C14orf39: variants seen among roughly 807,000 people sequenced by gnomAD.
C14orf39 encodes the protein chromosome 14 open reading frame 39.
In C14orf39, 66 loss-of-function variants were observed where a neutral mutation model predicts 85.6. The ratio of observed to expected loss-of-function variants is 0.77; its 90% CI spans 0.63 to 0.95. The LOEUF (loss-of-function observed/expected upper bound fraction) is 0.95. Among genes scored for constraint, C14orf39 ranks in the 40% least tolerant of loss-of-function variants. The pLI is 0.00. For missense variants in C14orf39, 735 were observed against 663.9 expected, an observed-to-expected ratio of 1.11 and a Z score of -1.18; for synonymous variants, 242 against 214.0, an observed-to-expected ratio of 1.13 and a Z score of -1.14.
intron 1 of C14orf39, 29 bp from the exon 2 acceptor site, chr14:60,485,115 G>C: frequency 6.4e-7 from 1 of 1,564,462 alleles, no homozygotes; most frequent in Non-Finnish European, 8.7e-7. Flanking sequence ...AAAATTATAA[G>C]ATTTTCTGAA....
chr14:60,483,559 C>T (rs1892738879), intron 4 of C14orf39, 132 bp downstream of exon 4: 2 of 675,754 alleles, frequency 3.0e-6, no homozygotes, highest in Non-Finnish European at 4.6e-6. Context: ...TACATAGTGG[C>T]ATAACAAGGC....
At chr14:60,455,299 G>T (rs1891220369) in intron 15 of C14orf39, among the ~76,000 whole-genome samples, 154 bp from the exon 16 acceptor site, 1 of 152,042 alleles carries the variant, frequency 6.6e-6, no homozygotes, top group East Asian at 1.9e-4. Flanking sequence ...AGAAAGGATT[G>T]TATGAGGTGG....
intron 14 of C14orf39, 74 bp downstream of exon 14, chr14:60,458,604 C>G (rs1891383016): frequency 6.5e-6 from 7 of 1,083,712 alleles, no homozygotes; most frequent in Non-Finnish European, 9.7e-6. Context: ...TGTACTAAAT[C>G]TGAAATTTAA....
chr14:60,474,364 C>A, intron 5 of C14orf39, among the ~76,000 whole-genome samples: 1 of 140,902 alleles, frequency 7.1e-6, no homozygotes, highest in Admixed American at 7.4e-5. Flanking sequence ...AATTTGACTT[C>A]CTCTTTTCCT....
At chr14:60,454,661 C>G (rs1370859812) in intron 16 of C14orf39, among the ~76,000 whole-genome samples, 2 of 151,688 alleles carry the variant, frequency 1.3e-5, no homozygotes, top group Admixed American at 6.6e-5. Context: ...TTGAAAAGAC[C>G]CATTTATAAT....
At chr14:60,454,398 G>A (rs1891171003) in intron 16 of C14orf39, among the ~76,000 whole-genome samples, 1 of 151,896 alleles carries the variant, frequency 6.6e-6, no homozygotes, top group Non-Finnish European at 1.5e-5. Context: ...TCATTTTACA[G>A]ATAAGGAAAC....
chr14:60,465,584 G>A (rs145627085), intron 11 of C14orf39, among the ~76,000 whole-genome samples: 285 of 152,142 alleles, frequency 1.9e-3, no homozygotes, highest in African/African-American at 6.3e-3. Context: ...CTCATCATCC[G>A]TATACCTTTA....
At chr14:60,507,928 G>A (rs1019950691) in intron 1 of C14orf39, among the ~76,000 whole-genome samples, 3 of 152,078 alleles carry the variant, frequency 2.0e-5, no homozygotes, top group Non-Finnish European at 2.9e-5. Flanking sequence ...CACAGGCCCA[G>A]ATGAGATCAT....
At chr14:60,501,885 T>C (rs1893154698) in intron 1 of C14orf39, among the ~76,000 whole-genome samples, 1 of 152,212 alleles carries the variant, frequency 6.6e-6, no homozygotes, top group Non-Finnish European at 1.5e-5. Flanking sequence ...AGAGGGGAAC[T>C]AACACTTGTT....
At chr14:60,501,038 T>A (rs761271288) in intron 1 of C14orf39, among the ~76,000 whole-genome samples, 10 of 152,012 alleles carry the variant, frequency 6.6e-5, no homozygotes, top group Non-Finnish European at 1.5e-4. Context: ...AGTGTGAGTG[T>A]GTGTAATAAG....
chr14:60,509,173 G>A (rs1177287480), intron 1 of C14orf39: 4 of 567,956 alleles, frequency 7.0e-6, no homozygotes, highest in South Asian at 6.1e-5. Context: ...GCCTGCCGGC[G>A]TGCCTGAGCC....
intron 9 of C14orf39, 142 bp downstream of exon 9, chr14:60,468,303 A>G: frequency 8.9e-6 from 4 of 450,812 alleles, no homozygotes; most frequent in Middle Eastern, 6.0e-4. Context: ...TATTTTTCAT[A>G]AGAAATTAAT....
At chr14:60,464,865 C>T (rs1891709874) in intron 11 of C14orf39, among the ~76,000 whole-genome samples, 1 of 152,000 alleles carries the variant, frequency 6.6e-6, no homozygotes, top group African/African-American at 2.4e-5. Flanking sequence ...CTATTTCTGG[C>T]ACCTTATTCG....
chr14:60,458,333 C>T (rs374246089), intron 14 of C14orf39, among the ~76,000 whole-genome samples: 117 of 151,964 alleles, frequency 7.7e-4, no homozygotes, highest in African/African-American at 2.7e-3. Context: ...TCTTGAAACC[C>T]GCTTTTTTAG....
intron 2 of C14orf39, chr14:60,495,878 A>G (rs773881128): frequency 5.2e-6 from 2 of 386,350 alleles, no homozygotes; most frequent in Non-Finnish European, 5.1e-6. Flanking sequence ...ACTACAGTAT[A>G]GAATATAGAA....
chr14:60,506,331 A>G (rs1893202640), intron 1 of C14orf39, among the ~76,000 whole-genome samples: 1 of 152,216 alleles, frequency 6.6e-6, no homozygotes, highest in Non-Finnish European at 1.5e-5. Flanking sequence ...AAACCTCAAA[A>G]CTGGTAAAAG....
At chr14:60,482,249 C>G (rs1434363439) in intron 4 of C14orf39, among the ~76,000 whole-genome samples, 1 of 152,124 alleles carries the variant, frequency 6.6e-6, no homozygotes, top group East Asian at 1.9e-4. Flanking sequence ...CAACCCAATG[C>G]AGCTAATTGA....
intron 16 of C14orf39, among the ~76,000 whole-genome samples, chr14:60,453,583 T>A (rs779979574): frequency 1.3e-5 from 2 of 151,756 alleles, no homozygotes; most frequent in Non-Finnish European, 3.0e-5. Flanking sequence ...GTGTAAAGTT[T>A]ATTTGTTTTA....
chr14:60,466,210 C>A (rs1326774560), intron 10 of C14orf39, among the ~76,000 whole-genome samples, 155 bp from the exon 11 acceptor site: 1 of 151,852 alleles, frequency 6.6e-6, no homozygotes, highest in Admixed American at 6.6e-5. Flanking sequence ...TTTTAAAACT[C>A]TTAATTCCTT....
Sources: allele counts gnomAD v4.1 joint callset (sites outside exome capture counted in the v4.1 genomes callset), GRCh38; gene constraint gnomAD v4.1.1; transcripts MANE v1.5; gene names NCBI Gene and HGNC (gene_info 2026-07-23, HGNC 2026-07-21).